LYPLAL1: variants seen among roughly 807,000 people sequenced by gnomAD.
The protein encoded by LYPLAL1 is lysophospholipase like 1.
A neutral mutation model predicts 19.7 loss-of-function variants in LYPLAL1; 23 were observed. That is an observed-to-expected ratio of 1.17 (90% CI 0.84 to 1.65). LYPLAL1 has a LOEUF of 1.65. LYPLAL1 is among the 40% of genes most tolerant of loss of function. The probability of loss-of-function intolerance (pLI) is 0.00; values close to 1 mark genes in which losing one functional copy is unlikely to be tolerated. For missense variants in LYPLAL1, 355 were observed against 279.4 expected (o/e 1.27, Z -1.93); for synonymous variants, 119 against 96.3 (o/e 1.24, Z -1.38).
At chr1:219,435,087 C>A in the LYPLAL1 span, 1 of 152,204 alleles carries the variant, frequency 6.6e-6, no homozygotes, top group East Asian at 1.9e-4. Context: ...AAAAGATGCA[C>A]AGTCATTGAT....
chr1:219,303,442 TG>T, the LYPLAL1 span, among the ~76,000 whole-genome samples: 1 of 152,214 alleles, frequency 6.6e-6, no homozygotes, highest in East Asian at 1.9e-4. Context: ...GGGTTGTGCC[TG>T]GGGCTTGGGA....
At position 219,191,052 on chromosome 1, in the gene LYPLAL1, GTTGGTTT is replaced by G. The variant is rs539390395; in HGVS notation, c.192-2028_192-2022del. ...TATATGTAAATTATACCTCAATAAA[GTTGGTTT>G]TAAAACTTCAATTGATACTCTTAAA... On this transcript the variant is annotated intron_variant, in intron 2 of 4. Coordinates refer to ENST00000366928, the MANE Select transcript of LYPLAL1 (RefSeq NM_138794.5). Among the ~76,000 whole-genome samples the G allele has an allele frequency of 2.4e-4, 36 of 151,668 alleles. No individual in the cohort carries two copies. The East Asian group carries it at 5.0e-3, about 21-fold the overall frequency.
intron 2 of LYPLAL1, among the ~76,000 whole-genome samples, chr1:219,184,182 C>A (rs1010338195): frequency 2.0e-5 from 3 of 151,814 alleles, no homozygotes; most frequent in African/African-American, 7.2e-5. Flanking sequence ...TGGTATGTCT[C>A]ACCATTTACT....
At chr1:219,231,576 CA>C in the LYPLAL1 span, among the ~76,000 whole-genome samples, 1 of 152,044 alleles carries the variant, frequency 6.6e-6, no homozygotes, top group African/African-American at 2.4e-5. Context: ...GAACGAATGT[CA>C]CTAGTAAACG....
the LYPLAL1 span, among the ~76,000 whole-genome samples, chr1:219,406,666 A>G: frequency 6.6e-6 from 1 of 152,204 alleles, no homozygotes; most frequent in African/African-American, 2.4e-5. Flanking sequence ...TTATCATGAA[A>G]CCCTATGCTG....
At chr1:219,190,773 C>T (rs1346987872) in intron 2 of LYPLAL1, among the ~76,000 whole-genome samples, 1 of 150,846 alleles carries the variant, frequency 6.6e-6, no homozygotes, top group Non-Finnish European at 1.5e-5. Flanking sequence ...ATTGAAATGA[C>T]AATAGGAAAA....
the LYPLAL1 span, among the ~76,000 whole-genome samples, chr1:219,405,564 C>T: frequency 6.6e-6 from 1 of 152,152 alleles, no homozygotes; most frequent in African/African-American, 2.4e-5. Flanking sequence ...TCTCAAAGGA[C>T]CATCTTCTGA....
At chr1:219,294,554 A>C in the LYPLAL1 span, among the ~76,000 whole-genome samples, 2 of 152,094 alleles carry the variant, frequency 1.3e-5, no homozygotes, top group Non-Finnish European at 2.9e-5. Flanking sequence ...TTGCTCCCCA[A>C]ATATTCATTT....
the LYPLAL1 span, among the ~76,000 whole-genome samples, chr1:219,419,594 C>CACACACACAGAGAG: frequency 6.8e-4 from 68 of 99,600 alleles, no homozygotes; most frequent in African/African-American, 1.4e-3. Flanking sequence ...CACACACACA[C>CACACACACAGAGAG]AGAGAGAGAG....
At chr1:219,207,844 T>C (rs1658694013) in intron 3 of LYPLAL1, among the ~76,000 whole-genome samples, 1 of 152,098 alleles carries the variant, frequency 6.6e-6, no homozygotes. Flanking sequence ...TGACTTGTTA[T>C]GATTCCTTCT....
the LYPLAL1 span, among the ~76,000 whole-genome samples, chr1:219,312,860 C>T: frequency 6.6e-6 from 1 of 152,142 alleles, no homozygotes; most frequent in Non-Finnish European, 1.5e-5. Flanking sequence ...AGAGGAAGCA[C>T]TGAAGTGACA....
chr1:219,306,482 T>A, the LYPLAL1 span, among the ~76,000 whole-genome samples: 1 of 152,200 alleles, frequency 6.6e-6, no homozygotes, highest in Non-Finnish European at 1.5e-5. Context: ...AAGACCTTAA[T>A]AGAACATAAA....
the LYPLAL1 span, among the ~76,000 whole-genome samples, chr1:219,403,885 C>T: frequency 2.6e-5 from 4 of 151,940 alleles, no homozygotes; most frequent in Non-Finnish European, 4.4e-5. Flanking sequence ...TCTTATTCAG[C>T]TTGACTGCCA....
At chr1:219,384,977 A>G in the LYPLAL1 span, among the ~76,000 whole-genome samples, 1 of 152,052 alleles carries the variant, frequency 6.6e-6, no homozygotes, top group African/African-American at 2.4e-5. Context: ...TCCAAATAAG[A>G]CTCTACGGAT....
the LYPLAL1 span, among the ~76,000 whole-genome samples, chr1:219,287,268 G>A: frequency 6.6e-6 from 1 of 152,182 alleles, no homozygotes; most frequent in Non-Finnish European, 1.5e-5. Context: ...ATTTAGCAAT[G>A]TATTTAACAG....
the LYPLAL1 span, among the ~76,000 whole-genome samples, chr1:219,349,779 T>G: frequency 6.6e-6 from 1 of 152,186 alleles, no homozygotes; most frequent in Non-Finnish European, 1.5e-5. Flanking sequence ...AGTAGCACCT[T>G]TTAAATTTAG....
the LYPLAL1 span, among the ~76,000 whole-genome samples, chr1:219,243,910 A>G: frequency 8.5e-6 from 1 of 117,458 alleles, no homozygotes; most frequent in Non-Finnish European, 1.8e-5. Context: ...CGAGAGCAAA[A>G]CTCCATCTCA....
chr1:219,183,633 G>T (rs1039404291), intron 2 of LYPLAL1, among the ~76,000 whole-genome samples: 1 of 151,864 alleles, frequency 6.6e-6, no homozygotes, highest in Non-Finnish European at 1.5e-5. Flanking sequence ...TATTACTGTA[G>T]CATAGTTTGG....
chr1:219,293,295 A>C, the LYPLAL1 span, among the ~76,000 whole-genome samples: 1 of 152,256 alleles, frequency 6.6e-6, no homozygotes, highest in Non-Finnish European at 1.5e-5. Flanking sequence ...GAGAGATAGT[A>C]GAAATGGGAA....
Sources: allele counts gnomAD v4.1 joint callset (sites outside exome capture counted in the v4.1 genomes callset), GRCh38; gene constraint gnomAD v4.1.1; transcripts MANE v1.5; gene names NCBI Gene and HGNC (gene_info 2026-07-23, HGNC 2026-07-21).